TMEM164: variants seen among roughly 807,000 people sequenced by gnomAD.
The protein encoded by TMEM164 is transmembrane protein 164.
Under a neutral mutation model 18.8 loss-of-function variants are expected in TMEM164, and 4 were observed. That is an observed-to-expected ratio of 0.21 (90% CI 0.10 to 0.49). TMEM164 has a LOEUF of 0.49. Ranked by LOEUF, TMEM164 falls within the 20% of genes least tolerant of loss-of-function variation. TMEM164 has a pLI of 0.98. For missense variants in TMEM164, 108 were observed against 239.9 expected (o/e 0.45, Z 3.63); for synonymous variants, 86 against 101.7 (o/e 0.85, Z 0.93).
At chrX:110,122,599 AT>A (rs544090845) in intron 4 of TMEM164, among the ~76,000 whole-genome samples, 3 of 111,919 alleles carry the variant, frequency 2.7e-5, no homozygotes, top group South Asian at 7.3e-4. Context: ...AAATAAAAAA[AT>A]AAAATATCTG....
At chrX:110,008,654 T>C (rs1486960551) in intron 2 of TMEM164, among the ~76,000 whole-genome samples, 1 of 111,745 alleles carries the variant, frequency 8.9e-6, no homozygotes, top group Non-Finnish European at 1.9e-5. Flanking sequence ...TGCTGTGGAT[T>C]GGTGAATTAA....
chrX:110,065,788 A>T (rs1936314762), intron 2 of TMEM164, among the ~76,000 whole-genome samples: 3 of 111,927 alleles, frequency 2.7e-5, no homozygotes, highest in Non-Finnish European at 5.6e-5. Context: ...CCCGCAATTA[A>T]ATACATTATT....
At chrX:110,020,280 G>C in intron 2 of TMEM164, 1 of 614,751 alleles carries the variant, frequency 1.6e-6, no homozygotes, top group South Asian at 8.4e-5. Context: ...CAATCCCTTT[G>C]TTTTCCAGAT....
chrX:110,105,709 C>G (rs757103881), intron 3 of TMEM164, among the ~76,000 whole-genome samples: 16 of 98,495 alleles, frequency 1.6e-4, no homozygotes, highest in South Asian at 9.3e-4. Context: ...CACACACACA[C>G]ACACACACAC....
intron 2 of TMEM164, among the ~76,000 whole-genome samples, chrX:110,052,745 GTTT>G (rs34292132): frequency 2.9e-5 from 2 of 68,816 alleles, no homozygotes; most frequent in Admixed American, 1.9e-4. Context: ...ACATGCATCT[GTTT>G]TTTTTTTTTT....
intron 3 of TMEM164, among the ~76,000 whole-genome samples, chrX:110,069,088 A>C (rs933221813): frequency 7.2e-5 from 8 of 111,585 alleles, no homozygotes; most frequent in African/African-American, 2.6e-4. Flanking sequence ...CTGCCACTAC[A>C]TTCAATGCTT....
chrX:110,018,439 G>C (rs535419305), intron 2 of TMEM164, among the ~76,000 whole-genome samples: 1 of 112,076 alleles, frequency 8.9e-6, no homozygotes, highest in Non-Finnish European at 1.9e-5. Flanking sequence ...GAAATAGAGT[G>C]TGGTAGTTAA....
At chrX:110,112,490 A>G (rs1328604700) in intron 4 of TMEM164, among the ~76,000 whole-genome samples, 1 of 111,566 alleles carries the variant, frequency 9.0e-6, no homozygotes, top group Non-Finnish European at 1.9e-5. Context: ...ATTGCACACC[A>G]GCCTAGGCAA....
chrX:110,087,554 A>G (rs1321118860), intron 3 of TMEM164, among the ~76,000 whole-genome samples: 1 of 111,577 alleles, frequency 9.0e-6, no homozygotes, highest in South Asian at 3.7e-4. Flanking sequence ...TATTCTGAAC[A>G]CCCAGCACTT....
intron 2 of TMEM164, among the ~76,000 whole-genome samples, chrX:110,049,706 T>C (rs1935466383): frequency 9.0e-6 from 1 of 111,563 alleles, no homozygotes; most frequent in Non-Finnish European, 1.9e-5. Flanking sequence ...ACCCATCTGA[T>C]GACATGCAAG....
chrX:110,043,277 C>A (rs923687701), intron 2 of TMEM164, among the ~76,000 whole-genome samples: 1 of 112,888 alleles, frequency 8.9e-6, no homozygotes, highest in Admixed American at 9.3e-5. Flanking sequence ...TTTTCAATTA[C>A]AACACTTTAG....
intron 4 of TMEM164, 56 bp downstream of exon 4, chrX:110,109,202 A>G (rs913655455): frequency 9.2e-7 from 1 of 1,081,107 alleles, no homozygotes; most frequent in Non-Finnish European, 1.3e-6. Flanking sequence ...ACTTGCCTAT[A>G]TGCCCATGTG....
intron 5 of TMEM164, among the ~76,000 whole-genome samples, chrX:110,169,959 G>C (rs1340805604): frequency 9.0e-6 from 1 of 111,447 alleles, no homozygotes; most frequent in Non-Finnish European, 1.9e-5. Context: ...TTGAGTTCAT[G>C]ACCCTGGTGC....
chrX:110,131,359 C>T (rs2066609505), intron 4 of TMEM164, among the ~76,000 whole-genome samples: 1 of 111,714 alleles, frequency 9.0e-6, no homozygotes, highest in South Asian at 3.8e-4. Flanking sequence ...CCATCTGATG[C>T]TCAGGTCTTT....
chrX:110,014,961 G>C (rs995036919), intron 2 of TMEM164, among the ~76,000 whole-genome samples: 1 of 110,309 alleles, frequency 9.1e-6, no homozygotes, highest in African/African-American at 3.3e-5. Flanking sequence ...TTCAGGAGAA[G>C]ACTTCACTGT....
intron 2 of TMEM164, chrX:110,046,214 T>G (rs2147794977): frequency 2.7e-6 from 2 of 753,343 alleles, no homozygotes; most frequent in East Asian, 1.5e-4. Flanking sequence ...GAATCCGTGT[T>G]CCTGGCAAAC....
intron 3 of TMEM164, among the ~76,000 whole-genome samples, chrX:110,098,053 TC>T (rs761352522): frequency 4.4e-4 from 49 of 111,975 alleles, no homozygotes; most frequent in Admixed American, 1.0e-3. Context: ...CTCATACTCT[TC>T]CTTTAGTGTG....
intron 4 of TMEM164, among the ~76,000 whole-genome samples, chrX:110,132,576 C>T (rs1017872989): frequency 9.0e-6 from 1 of 111,562 alleles, no homozygotes; most frequent in Admixed American, 9.5e-5. Flanking sequence ...GTTTTTCTGG[C>T]CCTCATAAAA....
intron 4 of TMEM164, among the ~76,000 whole-genome samples, chrX:110,120,799 C>G (rs777455417): frequency 8.9e-6 from 1 of 112,005 alleles, no homozygotes; most frequent in South Asian, 3.7e-4. Context: ...CTTTCTATGA[C>G]ATTAACTTTG....
Sources: allele counts gnomAD v4.1 joint callset (sites outside exome capture counted in the v4.1 genomes callset), GRCh38; gene constraint gnomAD v4.1.1; transcripts MANE v1.5; gene names NCBI Gene and HGNC (gene_info 2026-07-23, HGNC 2026-07-21).